The following SGCD variants were observed in gnomAD, a reference collection of about 807,000 sequenced individuals.
SGCD encodes the protein delta-sarcoglycan.
In SGCD, 18 loss-of-function variants were observed where a neutral mutation model predicts 36.6. The observed-to-expected ratio is 0.49, with a 90% CI of 0.34 to 0.73. SGCD has a LOEUF of 0.73. SGCD is among the 30% of genes least tolerant of loss of function. SGCD has a pLI of 0.01. For missense variants in SGCD, 387 were observed against 346.7 expected (o/e 1.12, Z -0.92); for synonymous variants, 133 against 130.6 (o/e 1.02, Z -0.12).
At chr5:156,597,928 G>A (rs1760998975) in intron 6 of SGCD, among the ~76,000 whole-genome samples, 1 of 152,084 alleles carries the variant, frequency 6.6e-6, no homozygotes, top group Non-Finnish European at 1.5e-5. Flanking sequence ...AAGCATGGCT[G>A]ACAGCTAGAA....
At chr5:156,270,074 T>G (rs1581208435) in intron 3 of SGCD, among the ~76,000 whole-genome samples, 3 of 152,356 alleles carry the variant, frequency 2.0e-5, no homozygotes, top group East Asian at 3.9e-4. Context: ...AGGGATCCAG[T>G]TTCAGTCTTC....
chr5:155,967,526 G>A (rs1341403420), intron 1 of SGCD, among the ~76,000 whole-genome samples: 1 of 151,986 alleles, frequency 6.6e-6, no homozygotes, highest in African/African-American at 2.4e-5. Context: ...CATCATGATG[G>A]AAAATTACTC....
intron 3 of SGCD, among the ~76,000 whole-genome samples, chr5:156,133,118 C>T (rs940223114): frequency 3.9e-5 from 6 of 152,202 alleles, no homozygotes; most frequent in Admixed American, 3.3e-4. Flanking sequence ...GTGTTTGTAT[C>T]AGATAAGCCT....
At chr5:155,880,339 A>C (rs972894495) in intron 1 of SGCD, among the ~76,000 whole-genome samples, 1 of 151,250 alleles carries the variant, frequency 6.6e-6, no homozygotes, top group African/African-American at 2.4e-5. Flanking sequence ...AAAATGTTTA[A>C]AAATATTATT....
At chr5:156,361,938 T>C (rs1376446665) in intron 3 of SGCD, among the ~76,000 whole-genome samples, 2 of 152,180 alleles carry the variant, frequency 1.3e-5, no homozygotes, top group African/African-American at 4.8e-5. Context: ...TTTGCCTCCC[T>C]GGAAAGGCAA....
intron 1 of SGCD, among the ~76,000 whole-genome samples, chr5:155,943,064 C>G (rs925946729): frequency 6.6e-6 from 1 of 152,164 alleles, no homozygotes; most frequent in Non-Finnish European, 1.5e-5. Flanking sequence ...GAGTTGAGGA[C>G]AAAGTCCAGG....
intron 4 of SGCD, among the ~76,000 whole-genome samples, chr5:156,522,940 A>G (rs2113050036): frequency 6.6e-6 from 1 of 152,248 alleles, no homozygotes; most frequent in Admixed American, 6.5e-5. Context: ...CCTCAGCATG[A>G]ATTGTTATTT....
chr5:156,543,473 G>T (rs141822053), intron 4 of SGCD, among the ~76,000 whole-genome samples: 1 of 152,278 alleles, frequency 6.6e-6, no homozygotes, highest in African/African-American at 2.4e-5. Context: ...GCAGTATGTT[G>T]CTGTTAGGGA....
chr5:156,192,531 G>T (rs1168633106), intron 3 of SGCD, among the ~76,000 whole-genome samples: 2 of 152,042 alleles, frequency 1.3e-5, no homozygotes, highest in Admixed American at 6.6e-5. Context: ...AACACAGATT[G>T]AAGGAATAAG....
At chr5:156,680,234 T>C (rs1753669472) in intron 7 of SGCD, among the ~76,000 whole-genome samples, 2 of 152,142 alleles carry the variant, frequency 1.3e-5, no homozygotes, top group Admixed American at 6.5e-5. Context: ...TCAAGTCACA[T>C]AGCTAAGTAG....
At chr5:155,983,618 G>GA (rs776326563) in intron 1 of SGCD, among the ~76,000 whole-genome samples, 20 of 152,108 alleles carry the variant, frequency 1.3e-4, no homozygotes, top group Non-Finnish European at 2.1e-4. Context: ...TCTCTTATGT[G>GA]AAACTCCTTA....
intron 3 of SGCD, among the ~76,000 whole-genome samples, chr5:156,179,716 G>C (rs189776220): frequency 4.0e-5 from 6 of 149,944 alleles, no homozygotes; most frequent in Admixed American, 2.0e-4. Context: ...CTCCGCCTCT[G>C]GGGTTCAAGT....
chr5:156,072,570 C>G lies in SGCD; in HGVS notation c.-281-45308C>G, dbSNP rs574445163. Among the ~76,000 whole-genome samples the G allele has an allele frequency of 9.3e-3, 1,421 of 152,016 alleles. 18 individuals carry two copies. Among genetic ancestry groups the G allele is most frequent in the African/African-American group, 0.031 (1,283 of 41,420 alleles). On this transcript the variant is annotated intron_variant, in intron 1 of 9. Coordinates refer to the SGCD transcript ENST00000517913. Reference sequence around the variant, plus strand: ...TCTCTGGCTGCCCTTAACATTTTTTCCTTCATTTCAACTTTGGTGAATCTG... The same window carrying G: ...TCTCTGGCTGCCCTTAACATTTTTTGCTTCATTTCAACTTTGGTGAATCTG...
At chr5:155,868,656 G>T (rs1463824318), upstream of SGCD, among the ~76,000 whole-genome samples, 1 of 151,960 alleles carries the variant, frequency 6.6e-6, no homozygotes, top group Non-Finnish European at 1.5e-5. Context: ...AGAGATTTGT[G>T]AGTAAAAGAA....
intron 1 of SGCD, among the ~76,000 whole-genome samples, chr5:155,924,356 T>C (rs754012804): frequency 6.6e-6 from 1 of 152,186 alleles, no homozygotes; most frequent in Non-Finnish European, 1.5e-5. Flanking sequence ...AAGGGATGTC[T>C]TGCTATAGCA....
At chr5:155,948,138 G>T (rs1418237180) in intron 1 of SGCD, among the ~76,000 whole-genome samples, 1 of 152,052 alleles carries the variant, frequency 6.6e-6, no homozygotes, top group African/African-American at 2.4e-5. Context: ...ATAGCCAGTT[G>T]TGGTGGTGCA....
At chr5:155,886,260 T>TTA (rs1755995961) in intron 1 of SGCD, among the ~76,000 whole-genome samples, 1 of 152,178 alleles carries the variant, frequency 6.6e-6, no homozygotes, top group Non-Finnish European at 1.5e-5. Context: ...TATAAGGGAC[T>TTA]GGAATGAGGA....
chr5:156,197,732 A>C (rs1026084391), intron 3 of SGCD, among the ~76,000 whole-genome samples: 5 of 151,992 alleles, frequency 3.3e-5, no homozygotes, highest in African/African-American at 9.7e-5. Flanking sequence ...GCTGATTTTT[A>C]TCTCTCCCAA....
At chr5:155,875,394 T>C (rs1364908913) in intron 1 of SGCD, among the ~76,000 whole-genome samples, 1 of 152,116 alleles carries the variant, frequency 6.6e-6, no homozygotes, top group Non-Finnish European at 1.5e-5. Flanking sequence ...GTTTCACATA[T>C]GTCAGTTATA....
Sources: allele counts gnomAD v4.1 joint callset (sites outside exome capture counted in the v4.1 genomes callset), GRCh38; gene constraint gnomAD v4.1.1; transcripts MANE v1.5; gene names NCBI Gene and HGNC (gene_info 2026-07-23, HGNC 2026-07-21).